PITPNM3: variants seen among roughly 807,000 people sequenced by gnomAD.
The protein encoded by PITPNM3 is PITPNM family member 3.
In PITPNM3, 26 loss-of-function variants were observed where a neutral mutation model predicts 102.0. The observed-to-expected ratio is 0.25, with a 90% CI of 0.19 to 0.35. The LOEUF (loss-of-function observed/expected upper bound fraction) is 0.35, where lower values mean the gene tolerates loss of function less well. Ranked by LOEUF, PITPNM3 falls within the 10% of genes least tolerant of loss-of-function variation. The pLI, the probability that PITPNM3 is intolerant of heterozygous loss-of-function variation, is 1.00. For missense variants in PITPNM3, 1,083 were observed against 1,346.1 expected (o/e 0.80, Z 3.06); for synonymous variants, 578 against 558.6 (o/e 1.03, Z -0.49).
intron 3 of PITPNM3, among the ~76,000 whole-genome samples, chr17:6,522,402 A>C (rs1045440839): frequency 2.0e-5 from 3 of 152,182 alleles, no homozygotes; most frequent in Non-Finnish European, 4.4e-5. Flanking sequence ...TTAGGGAGAG[A>C]AAAGGTAAAA....
intron 18 of PITPNM3, 127 bp downstream of exon 18, chr17:6,461,246 T>G: frequency 1.7e-6 from 2 of 1,183,472 alleles, no homozygotes; most frequent in Non-Finnish European, 2.5e-6. Context: ...CCCATCCAGA[T>G]CCACGGGAAT....
At chr17:6,533,314 T>C (rs895395254) in intron 2 of PITPNM3, among the ~76,000 whole-genome samples, 1 of 152,202 alleles carries the variant, frequency 6.6e-6, no homozygotes, top group African/African-American at 2.4e-5. Context: ...TGGTATCTCA[T>C]TGCAGTTTTG....
intron 19 of PITPNM3, among the ~76,000 whole-genome samples, chr17:6,456,545 C>T (rs1352432494): frequency 2.6e-5 from 4 of 152,170 alleles, no homozygotes; most frequent in South Asian, 2.1e-4. Flanking sequence ...GCAGAACTTC[C>T]GGCCCTCTCC....
rs188865027 is a variant in PITPNM3 at position 6,538,925 on chromosome 17, C to A, written c.23-843G>T. 6.6e-5 allele frequency among the ~76,000 whole-genome samples: 10 copies of A among 152,314 alleles called. No individual in the cohort carries two copies. In the East Asian group the frequency reaches 1.9e-3, roughly 29 times the overall value. On this transcript the variant is annotated intron_variant, in intron 1 of 19. Transcript: ENST00000262483. ...CAGTCCCAGTTCACCACACCCCCTACCCTGCAGGATGCTGGCACTGTTCCC... is the reference window on the plus strand; with the variant it reads ...CAGTCCCAGTTCACCACACCCCCTAACCTGCAGGATGCTGGCACTGTTCCC...
intron 6 of PITPNM3, among the ~76,000 whole-genome samples, chr17:6,482,016 C>G (rs371426489): frequency 2.8e-5 from 3 of 105,562 alleles, no homozygotes; most frequent in African/African-American, 4.2e-5. Flanking sequence ...CTCTCTCTCT[C>G]TCTCTCTCTC....
intron 2 of PITPNM3, among the ~76,000 whole-genome samples, chr17:6,530,617 G>A (rs1305133542): frequency 6.6e-6 from 1 of 152,168 alleles, no homozygotes; most frequent in East Asian, 1.9e-4. Context: ...TGCTGAAGGA[G>A]ACAAGTCTTG....
Position 6,556,326 on chromosome 17 carries a change from C to G in PITPNM3, c.22+59G>C. On this transcript the variant is annotated intron_variant, in intron 1 of 19. Transcript: ENST00000262483. The surrounding 1 kb of genome is among the most constrained non-coding windows in gnomAD (Gnocchi z 5.2). ...TTCACCTGGGCCGGCGGCCCCTCCT[C>G]TAGACGCGCGAGTCCCTCCCCCGGG... The G allele has an allele frequency of 7.3e-7, 1 of 1,374,738 alleles. No homozygotes were observed. Among genetic ancestry groups the G allele is most frequent in the Non-Finnish European group, 9.5e-7 (1 of 1,050,372 alleles). The allele number at this position is 1,374,738 out of a possible 1,614,324, so 85.2% of individuals were successfully genotyped here.
intron 10 of PITPNM3, among the ~76,000 whole-genome samples, chr17:6,474,092 A>G (rs887404795): frequency 6.6e-6 from 1 of 151,726 alleles, no homozygotes; most frequent in African/African-American, 2.4e-5. Context: ...TATCTGCCTC[A>G]GTACAGGAGA....
intron 6 of PITPNM3, chr17:6,480,199 A>G (rs1481421689): frequency 6.6e-6 from 1 of 152,224 alleles, no homozygotes; most frequent in African/African-American, 2.4e-5. Flanking sequence ...GATTTGGGCA[A>G]TTAGCCAGGT....
intron 3 of PITPNM3, among the ~76,000 whole-genome samples, chr17:6,505,188 C>T (rs1907415604): frequency 1.2e-5 from 1 of 85,308 alleles, no homozygotes. Flanking sequence ...AAAAAGAAGA[C>T]AAATAAAATA....
intron 14 of PITPNM3, among the ~76,000 whole-genome samples, chr17:6,466,163 C>A (rs1904756262): frequency 6.6e-6 from 1 of 152,202 alleles, no homozygotes; most frequent in Admixed American, 6.5e-5. Flanking sequence ...GCTGTCCCGC[C>A]CCCCACACTG....
In PITPNM3 at chr17:6,474,552, G is replaced by A. The variant is rs1359785758; in HGVS notation, c.1138C>T (p.Pro380Ser). Residue 380 changes from proline to serine, a missense_variant, in exon 10 of 20, where the codon CCG becomes TCG. Physicochemically the swap from Pro to Ser is moderately conservative, Grantham distance 74 (BLOSUM62 -1). This residue lies in a region of PITPNM3 where 172 missense variants were observed against 175.6 expected (regional missense o/e 0.98). Coordinates refer to ENST00000262483, the MANE Select transcript of PITPNM3 (RefSeq NM_031220.4). Reference protein sequence around the residue: ...DESETPAAGGPQLPEVSLGRF... With the variant: ...DESETPAAGGSQLPEVSLGRF... ...CCCAGGCTGACCTCAGGGAGCTGCGGCCCCCCAGCCGCCGGGGTCTCAGAC... is the reference window on the plus strand; with the variant it reads ...CCCAGGCTGACCTCAGGGAGCTGCGACCCCCCAGCCGCCGGGGTCTCAGAC... 4 of 1,601,666 alleles carry A rather than the reference G, an allele frequency of 2.5e-6. No individual in the cohort carries two copies. The Admixed American group carries it at 6.9e-5, about 28-fold the overall frequency.
chr17:6,463,719 A>G lies in PITPNM3; in HGVS notation c.2306+13T>C. On this transcript the variant is annotated intron_variant, in intron 17 of 19. Transcript: ENST00000262483. Reference sequence around the variant, plus strand: ...CCCAGGGAGATATAGCCCTCGTGGAAGGTGGCACTCACCGGACAACATCCA... The same window carrying G: ...CCCAGGGAGATATAGCCCTCGTGGAGGGTGGCACTCACCGGACAACATCCA... 1 of 1,610,568 alleles carries G rather than the reference A, an allele frequency of 6.2e-7. No individual in the cohort carries two copies. Among genetic ancestry groups the G allele is most frequent in the Non-Finnish European group, 8.5e-7 (1 of 1,179,488 alleles).
intron 15 of PITPNM3, 59 bp from the exon 16 acceptor site, chr17:6,464,377 G>C: frequency 6.3e-7 from 1 of 1,582,988 alleles, no homozygotes; most frequent in Non-Finnish European, 8.6e-7. Context: ...AGGCTTGGCA[G>C]AGGGGCTGGG....
At chr17:6,531,545 G>A (rs1909146883) in intron 2 of PITPNM3, among the ~76,000 whole-genome samples, 1 of 152,206 alleles carries the variant, frequency 6.6e-6, no homozygotes, top group Non-Finnish European at 1.5e-5. Context: ...TCAAGGTCCA[G>A]GCATGGTTCC....
chr17:6,463,752 C>T lies in PITPNM3; in HGVS notation c.2286G>A (p.Pro762=). The change falls in exon 17 of 20, where the codon CCG becomes CCA. Residue 762 remains proline, a synonymous_variant. Coordinates refer to ENST00000262483, the MANE Select transcript of PITPNM3 (RefSeq NM_031220.4). The part of the protein sequence containing the change: ...SIMGSDPKVR[P]GAVDVVRHWQ... ...CTCACCGGACAACATCCACTGCACC[C>T]GGCCGGACCTTGGGGTCGCTTCCCA... is the stretch of plus-strand genomic sequence containing the variant. The T allele has an allele frequency of 5.0e-6, 8 of 1,611,656 alleles. No individual in the cohort carries two copies. The highest frequency in any genetic ancestry group is 2.2e-5 in the East Asian group (1 of 44,834).
chr17:6,468,280 C>A lies in PITPNM3; in HGVS notation c.1835G>T (p.Ser612Ile), dbSNP rs1904887574. ...ESARLDPAAL[S>I]PANPREKWLR... Reference sequence around the variant, plus strand: ...CCACTTCTCCCGGGGGTTGGCAGGACTCAGTGCTGCAGGGTCCAGGCGGGC... The same window carrying A: ...CCACTTCTCCCGGGGGTTGGCAGGAATCAGTGCTGCAGGGTCCAGGCGGGC... Residue 612 changes from serine (S) to isoleucine (I), a missense_variant, in exon 14 of 20, where the codon AGT becomes ATT. This residue lies in a region of PITPNM3 where 410 missense variants were observed against 638.4 expected (regional missense o/e 0.64). Transcript: ENST00000262483. This position sits in a 1 kb window ranked among gnomAD's most constrained non-coding sequence, Gnocchi z 5.2. 3.1e-6 allele frequency: 5 copies of A among 1,613,986 alleles called. No individual in the cohort carries two copies. The South Asian group carries it at 5.5e-5, about 18-fold the overall frequency.
At chr17:6,456,251 T>C (rs1454963253) in intron 19 of PITPNM3, among the ~76,000 whole-genome samples, 1 of 152,122 alleles carries the variant, frequency 6.6e-6, no homozygotes, top group Admixed American at 6.5e-5. Flanking sequence ...CCTTGAACCC[T>C]GGGCTCAAGC....
intron 2 of PITPNM3, among the ~76,000 whole-genome samples, chr17:6,528,591 ATG>A (rs1306754818): frequency 6.6e-6 from 1 of 151,800 alleles, no homozygotes; most frequent in Non-Finnish European, 1.5e-5. Context: ...GTGTGTGCAT[ATG>A]TGTGTGGCCC....
Sources: allele counts gnomAD v4.1 joint callset (sites outside exome capture counted in the v4.1 genomes callset), GRCh38; gene constraint gnomAD v4.1.1; regional missense constraint gnomAD v4.1.1; non-coding constraint Gnocchi (gnomAD v3.1); transcripts MANE v1.5; gene names NCBI Gene and HGNC (gene_info 2026-07-23, HGNC 2026-07-21).